ZMYM2: variants seen among roughly 807,000 people sequenced by gnomAD.
ZMYM2 encodes the protein zinc finger MYM-type containing 2, also known as zinc finger MYM-type protein 2.
A neutral mutation model predicts 162.8 loss-of-function variants in ZMYM2; 56 were observed. The ratio of observed to expected loss-of-function variants is 0.34; its 90% confidence interval spans 0.28 to 0.43. The LOEUF is 0.43. ZMYM2 is among the 20% of genes least tolerant of loss of function. The pLI is 1.00. For synonymous variants in ZMYM2, 510 were observed against 541.6 expected, an observed-to-expected ratio of 0.94 and a Z score of 0.81; for missense variants, 1,275 against 1,621.8, an observed-to-expected ratio of 0.79 and a Z score of 3.67.
the ZMYM2 span, among the ~76,000 whole-genome samples, chr13:19,949,826 G>C: frequency 2.0e-5 from 3 of 146,710 alleles, no homozygotes; most frequent in African/African-American, 7.6e-5. Flanking sequence ...GAACGAGATT[G>C]CAGCAAGTCG....
chr13:20,011,573 G>GTTTT (rs764404253), intron 6 of ZMYM2, among the ~76,000 whole-genome samples: 6,587 of 142,766 alleles, frequency 0.046, 262 homozygotes, highest in African/African-American at 0.084. Context: ...TTATTTTTTT[G>GTTTT]TTTTATTTTT....
the ZMYM2 span, among the ~76,000 whole-genome samples, chr13:19,901,375 C>G: frequency 6.6e-6 from 1 of 152,164 alleles, no homozygotes; most frequent in Non-Finnish European, 1.5e-5. Context: ...TAGAAGCAAC[C>G]CAAGCGTCCA....
the ZMYM2 span, among the ~76,000 whole-genome samples, chr13:19,908,433 A>C: frequency 6.6e-6 from 1 of 152,148 alleles, no homozygotes; most frequent in Non-Finnish European, 1.5e-5. Context: ...CTGTCTCTAA[A>C]ATAAATGAAG....
chr13:19,870,571 CTTCTTTCCT>C, the ZMYM2 span, among the ~76,000 whole-genome samples: 1 of 138,896 alleles, frequency 7.2e-6, no homozygotes, highest in African/African-American at 2.8e-5. Flanking sequence ...TCCTTCCTTC[CTTCTTTCCT>C]TTCCTTCCTT....
the ZMYM2 span, among the ~76,000 whole-genome samples, chr13:19,918,836 G>A: frequency 6.6e-6 from 1 of 152,086 alleles, no homozygotes; most frequent in Non-Finnish European, 1.5e-5. Context: ...AGAACTAAAG[G>A]AGGCATTTTT....
chr13:19,923,112 G>C, the ZMYM2 span, among the ~76,000 whole-genome samples: 5 of 151,382 alleles, frequency 3.3e-5, no homozygotes, highest in South Asian at 8.3e-4. Context: ...GGCCGAGGCG[G>C]GGGGATCGCC....
chr13:20,005,984 C>A (rs552030353), intron 5 of ZMYM2, among the ~76,000 whole-genome samples: 13 of 152,252 alleles, frequency 8.5e-5, no homozygotes, highest in African/African-American at 3.1e-4. Flanking sequence ...ATAATCCTAG[C>A]ACTTTGGGAA....
At chr13:20,052,182 C>T (rs774393898) in intron 13 of ZMYM2, 95 bp from the exon 14 acceptor site, 63 of 1,032,776 alleles carry the variant, frequency 6.1e-5, no homozygotes, top group Admixed American at 3.8e-4. Flanking sequence ...TCTTTAGTCA[C>T]ATTTTAAATT....
Position 20,058,000 on chromosome 13 carries a change from T to C in ZMYM2, c.2494-575T>C, listed in dbSNP as rs1000518714. On this transcript the variant is annotated intron_variant, in intron 14 of 24. Transcript: ENST00000610343. ...GTTTGCAATGCAAATAATGCTGCAG[T>C]GAACTTAGTGTGAAATATCTGAGAG... is the stretch of plus-strand genomic sequence containing the variant. Among the ~76,000 whole-genome samples the C allele has an allele frequency of 3.9e-5, 6 of 152,252 alleles. No individual in the cohort carries two copies. In the South Asian group the frequency reaches 1.2e-3, roughly 32 times the overall value.
chr13:19,958,813 T>C lies in ZMYM2; in HGVS notation c.-108T>C, dbSNP rs1954774455. ...GGGGGTGGGCCGGGGGAGGGGAGGTTCGTTCCGCGGAGCCCCAGCCAGAAC... is the reference window on the plus strand; with the variant it reads ...GGGGGTGGGCCGGGGGAGGGGAGGTCCGTTCCGCGGAGCCCCAGCCAGAAC... On this transcript the variant is annotated 5_prime_UTR_variant, in exon 1 of 25. Transcript: ENST00000610343. 6.6e-6 allele frequency: 1 copy of C among 151,970 alleles called. No homozygotes were observed. Among genetic ancestry groups the C allele is most frequent in the Non-Finnish European group, 1.5e-5 (1 of 68,410 alleles). The allele number at this position is 151,970 out of a possible 1,614,324, so 9.4% of individuals were successfully genotyped here. A position where few individuals can be genotyped will look rare whatever the true frequency, so the allele number is the denominator to read the frequency against.
chr13:20,008,978 TTG>T (rs1950963035), intron 6 of ZMYM2, among the ~76,000 whole-genome samples: 1 of 152,138 alleles, frequency 6.6e-6, no homozygotes, highest in Non-Finnish European at 1.5e-5. Flanking sequence ...TGTTGCCTCT[TTG>T]AAAAATCAGG....
intron 20 of ZMYM2, 63 bp from the exon 21 acceptor site, chr13:20,067,176 A>G: frequency 6.9e-7 from 1 of 1,439,446 alleles, no homozygotes; most frequent in Non-Finnish European, 9.3e-7. Context: ...AACGTCAGAA[A>G]GTTTCTTAAC....
Position 20,082,998 on chromosome 13 carries a change from C to A in ZMYM2, c.3786C>A (p.Tyr1262Ter). The A allele has an allele frequency of 6.2e-7, 1 of 1,613,634 alleles. No homozygotes were observed. The highest frequency in any genetic ancestry group is 8.5e-7 in the Non-Finnish European group (1 of 1,179,696). ...LTMENKACLRYQVSSLCGTDN... is the reference protein window; with the variant it reads ...LTMENKACLR ...TGGAAAACAAAGCGTGTCTTCGATA[C>A]CAAGTGTCTTCCTTGTGTGGAACAG... Residue 1262 changes from tyrosine to a stop codon, truncating the protein, a stop_gained, in exon 23 of 25, where the codon TAC becomes TAA. Coordinates refer to ENST00000610343, the MANE Select transcript of ZMYM2 (RefSeq NM_197968.4). LOFTEE classifies it high-confidence loss of function.
chr13:19,936,694 C>T, the ZMYM2 span, among the ~76,000 whole-genome samples: 1 of 151,896 alleles, frequency 6.6e-6, no homozygotes, highest in Non-Finnish European at 1.5e-5. Context: ...TGCACTCCAG[C>T]CTGGGCAAAG....
At chr13:20,031,154 T>A (rs1053677912) in intron 9 of ZMYM2, among the ~76,000 whole-genome samples, 165 bp from the exon 10 acceptor site, 1 of 152,216 alleles carries the variant, frequency 6.6e-6, no homozygotes, top group African/African-American at 2.4e-5. Flanking sequence ...AACTAACATA[T>A]ACTATAATTT....
chr13:20,026,795 CTT>C (rs1162556768), intron 8 of ZMYM2, 33 bp downstream of exon 8: 1 of 1,544,738 alleles, frequency 6.5e-7, no homozygotes, highest in Non-Finnish European at 8.6e-7. Context: ...GTTAAAAAAA[CTT>C]TACAACGTAA....
At position 19,966,115 on chromosome 13, in the gene ZMYM2, T is replaced by G. The variant is rs192313127; in HGVS notation, c.-11+6089T>G. 1.6e-4 allele frequency among the ~76,000 whole-genome samples: 22 copies of G among 136,886 alleles called. No homozygotes were observed. The East Asian group carries it at 2.9e-3, about 18-fold the overall frequency. The allele number at this position is 136,886 out of a possible 152,430, so 89.8% of individuals were successfully genotyped here. The stretch of plus-strand genomic sequence containing the variant: ...ATATTTATAATTCTATATTTGCTTG[T>G]TTTTTTTTTTGTTTTTGTTTTGTTT... On this transcript the variant is annotated intron_variant, in intron 2 of 24. Coordinates refer to ENST00000610343, the MANE Select transcript of ZMYM2 (RefSeq NM_197968.4).
intron 12 of ZMYM2, among the ~76,000 whole-genome samples, chr13:20,037,586 T>C (rs1004080303): frequency 2.6e-5 from 4 of 152,218 alleles, no homozygotes; most frequent in African/African-American, 7.2e-5. Context: ...ACTTGAGATA[T>C]ATTTTAAAAA....
At chr13:20,038,399 A>G (rs1475199135) in intron 12 of ZMYM2, among the ~76,000 whole-genome samples, 1 of 152,080 alleles carries the variant, frequency 6.6e-6, no homozygotes, top group Non-Finnish European at 1.5e-5. Flanking sequence ...AGGGGTTTTT[A>G]TAGTTTTGGG....
Sources: gnomAD v4.1 joint callset for allele counts (sites outside exome capture counted in the v4.1 genomes callset) on GRCh38, gnomAD v4.1.1 for gene constraint, MANE v1.5 for transcripts, NCBI Gene and HGNC (gene_info 2026-07-23, HGNC 2026-07-21) for gene names.